SV2B: variants seen among roughly 807,000 people sequenced by gnomAD.
SV2B encodes the protein solute carrier family 22 member B2.
SV2B carries 41 observed loss-of-function variants against 73.9 expected under a neutral mutation model. The observed-to-expected ratio is 0.56, with a 90% CI of 0.43 to 0.72. The LOEUF (loss-of-function observed/expected upper bound fraction) is 0.72, where lower values mean the gene tolerates loss of function less well. Among genes scored for constraint, SV2B ranks in the 30% least tolerant of loss-of-function variants. The probability of loss-of-function intolerance (pLI) is 0.00; values close to 1 mark genes in which losing one functional copy is unlikely to be tolerated. For missense variants in SV2B, 764 were observed against 857.8 expected, an observed-to-expected ratio of 0.89 and a Z score of 1.37; for synonymous variants, 314 against 314.2, an observed-to-expected ratio of 1.00 and a Z score of 0.01.
chr15:91,237,668 A>G (rs1452524450), intron 2 of SV2B, among the ~76,000 whole-genome samples: 1 of 152,172 alleles, frequency 6.6e-6, no homozygotes, highest in East Asian at 1.9e-4. Context: ...CTGAGATGTC[A>G]GGGTTTTTGC....
chr15:91,107,767 G>A (rs1489185349), intron 1 of SV2B, among the ~76,000 whole-genome samples: 2 of 152,084 alleles, frequency 1.3e-5, no homozygotes, highest in African/African-American at 2.4e-5. Flanking sequence ...GCACCACCAT[G>A]CCCGGCTAAT....
intron 1 of SV2B, among the ~76,000 whole-genome samples, chr15:91,198,519 C>T (rs1218896246): frequency 1.3e-5 from 2 of 148,498 alleles, no homozygotes; most frequent in African/African-American, 5.0e-5. Flanking sequence ...TTGGAGGTCT[C>T]CTGGAGGCAA....
rs531189181 is a variant in SV2B, at chr15:91,283,646, G to A, written c.1508-375G>A. Among the ~76,000 whole-genome samples, 6 of 152,026 alleles carry A rather than the reference G, an allele frequency of 3.9e-5. No homozygotes were observed. The highest frequency in any genetic ancestry group is 1.4e-4 in the African/African-American group (6 of 41,458). On this transcript the variant is annotated intron_variant, in intron 10 of 12. Coordinates refer to ENST00000394232, the MANE Select transcript of SV2B (RefSeq NM_001323032.3). The surrounding 1 kb of genome is among the most constrained non-coding windows in gnomAD (Gnocchi z 4.3). The stretch of plus-strand genomic sequence containing the variant: ...TTATTTATTTATTTGTAGAGATAAG[G>A]TCTCACTGTGTTGCCCAGGCTGGTC...
At position 91,229,837 on chromosome 15, in the gene SV2B, A is replaced by G. The variant is rs2046507321; in HGVS notation, c.451+3123A>G. 6.6e-6 allele frequency among the ~76,000 whole-genome samples: 1 copy of G among 152,170 alleles called. No homozygotes were observed. Among genetic ancestry groups the G allele is most frequent in the African/African-American group, 2.4e-5 (1 of 41,438 alleles). On this transcript the variant is annotated intron_variant, in intron 2 of 12. Transcript: ENST00000394232. This position sits in a 1 kb window ranked among gnomAD's most constrained non-coding sequence, Gnocchi z 4.3. The stretch of plus-strand genomic sequence containing the variant: ...AAATTTCTTTCAGCCAATGTTTTTT[A>G]TGGTAGACTTCTAAGGTCAAGCTAT...
In SV2B at chr15:91,242,251, G is replaced by T. The variant is rs1164933710; in HGVS notation, c.452-9568G>T. ...TCATATTCCTGGCCTTTAAATGTTG[G>T]AATGTCTCAGTGCTCAGTCCTTGAA... On this transcript the variant is annotated intron_variant, in intron 2 of 12. Coordinates refer to ENST00000394232, the MANE Select transcript of SV2B (RefSeq NM_001323032.3). The surrounding 1 kb of genome is among the most constrained non-coding windows in gnomAD (Gnocchi z 4.9). Among the ~76,000 whole-genome samples the T allele has an allele frequency of 3.3e-5, 5 of 152,234 alleles. No individual in the cohort carries two copies. The highest frequency in any genetic ancestry group is 4.2e-4 in the South Asian group (2 of 4,816).
intron 2 of SV2B, 100 bp downstream of exon 2, chr15:91,226,814 T>G: frequency 7.3e-7 from 1 of 1,364,428 alleles, no homozygotes; most frequent in Non-Finnish European, 9.8e-7. Flanking sequence ...TATCACAATG[T>G]ACCCATTTTG....
intron 1 of SV2B, among the ~76,000 whole-genome samples, chr15:91,171,102 G>C (rs544371713): frequency 1.3e-5 from 2 of 152,054 alleles, no homozygotes; most frequent in East Asian, 3.9e-4. Flanking sequence ...TATGGATCTC[G>C]ATCAGTCTGT....
intron 6 of SV2B, among the ~76,000 whole-genome samples, chr15:91,262,261 A>C (rs180696657): frequency 0.022 from 3,332 of 152,274 alleles, 74 homozygotes; most frequent in East Asian, 0.094. Context: ...CAAAAAACAA[A>C]AACAAAAACA....
rs1232297408 is a variant in SV2B, at chr15:91,268,430, C to T, written c.1209-11C>T. On this transcript the variant is annotated splice_polypyrimidine_tract_variant and intron_variant, in intron 8 of 12. Coordinates refer to ENST00000394232, the MANE Select transcript of SV2B (RefSeq NM_001323032.3). This position sits in a 1 kb window ranked among gnomAD's most constrained non-coding sequence, Gnocchi z 4.4. ...TGTTGTTGTTGCAACCTTCTGCCTTCTCCACTCCAGTTACTATGGACTGAC... is the reference window on the plus strand; with the variant it reads ...TGTTGTTGTTGCAACCTTCTGCCTTTTCCACTCCAGTTACTATGGACTGAC... 1.0e-5 allele frequency: 16 copies of T among 1,607,390 alleles called. No homozygotes were observed. Among genetic ancestry groups the T allele is most frequent in the African/African-American group, 1.3e-5 (1 of 74,822 alleles).
intron 1 of SV2B, among the ~76,000 whole-genome samples, chr15:91,163,470 A>G (rs2043799213): frequency 6.6e-6 from 1 of 152,148 alleles, no homozygotes; most frequent in Non-Finnish European, 1.5e-5. Context: ...CTGGTGTGAG[A>G]TGGTATCTCA....
At chr15:91,205,397 T>TCA (rs2045598753) in intron 1 of SV2B, among the ~76,000 whole-genome samples, 1 of 151,746 alleles carries the variant, frequency 6.6e-6, no homozygotes, top group Non-Finnish European at 1.5e-5. Flanking sequence ...ACACAGGGTC[T>TCA]CACTCTGTTG....
Position 91,252,943 on chromosome 15 carries a change from A to T in SV2B, c.784+423A>T, listed in dbSNP as rs2047547241. 6.6e-6 allele frequency among the ~76,000 whole-genome samples: 1 copy of T among 152,136 alleles called. No individual in the cohort carries two copies. The highest frequency in any genetic ancestry group is 1.5e-5 in the Non-Finnish European group (1 of 68,008). ...ACTTGCTCAAGGCCATGTCCCTGGC[A>T]TGTGGTGGAGTGGGGGCTGGAGTCC... is the stretch of plus-strand genomic sequence containing the variant. On this transcript the variant is annotated intron_variant, in intron 4 of 12. Coordinates refer to ENST00000394232, the MANE Select transcript of SV2B (RefSeq NM_001323032.3). The surrounding 1 kb of genome is among the most constrained non-coding windows in gnomAD (Gnocchi z 4.6).
chr15:91,275,414 C>T (rs1421416430), intron 9 of SV2B, among the ~76,000 whole-genome samples: 1 of 152,180 alleles, frequency 6.6e-6, no homozygotes, highest in Admixed American at 6.5e-5. Context: ...CATTTCTTCT[C>T]TCCTGTTTTA....
chr15:91,247,665 G>A (rs2047292445), intron 2 of SV2B, among the ~76,000 whole-genome samples: 1 of 152,212 alleles, frequency 6.6e-6, no homozygotes, highest in East Asian at 1.9e-4. Flanking sequence ...CTAATTGGAT[G>A]CAGCTGCTAT....
intron 9 of SV2B, among the ~76,000 whole-genome samples, chr15:91,272,473 T>C (rs1387447273): frequency 6.6e-6 from 1 of 152,124 alleles, no homozygotes; most frequent in East Asian, 1.9e-4. Flanking sequence ...CTGTCTGTGA[T>C]AGGTCGTGAC....
intron 12 of SV2B, among the ~76,000 whole-genome samples, chr15:91,291,616 C>T (rs1387339277): frequency 6.6e-6 from 1 of 152,194 alleles, no homozygotes; most frequent in Non-Finnish European, 1.5e-5. Context: ...CCTCAGGTAA[C>T]TGTGGTCTTA....
rs1237533059 is a variant in SV2B at position 91,280,176 on chromosome 15, T to G, written c.1374-1552T>G. 1.3e-5 allele frequency among the ~76,000 whole-genome samples: 2 copies of G among 152,194 alleles called. No individual in the cohort carries two copies. The highest frequency in any genetic ancestry group is 6.5e-5 in the Admixed American group (1 of 15,282). ...GCCCGGGACTTCTTGTGTGGGGTCT[T>G]TTAGCAGAAGCTAATGATTGGCAGC... On this transcript the variant is annotated intron_variant, in intron 9 of 12. Transcript: ENST00000394232. This position sits in a 1 kb window ranked among gnomAD's most constrained non-coding sequence, Gnocchi z 5.8.
At chr15:91,111,685 T>C (rs1361719619) in intron 1 of SV2B, among the ~76,000 whole-genome samples, 1 of 152,158 alleles carries the variant, frequency 6.6e-6, no homozygotes, top group Non-Finnish European at 1.5e-5. Context: ...GTCTGTTCTT[T>C]CATTGCTATA....
chr15:91,272,763 G>C (rs967835249), intron 9 of SV2B, among the ~76,000 whole-genome samples: 1 of 151,296 alleles, frequency 6.6e-6, no homozygotes, highest in African/African-American at 2.4e-5. Flanking sequence ...TTGCTGTCAC[G>C]CATCACACTG....
Sources: gnomAD v4.1 joint callset for allele counts (sites outside exome capture counted in the v4.1 genomes callset) on GRCh38, gnomAD v4.1.1 for gene constraint, Gnocchi (gnomAD v3.1) non-coding constraint, MANE v1.5 for transcripts, NCBI Gene and HGNC (gene_info 2026-07-23, HGNC 2026-07-21) for gene names.